RBFOX1: variants seen among roughly 807,000 people sequenced by gnomAD.
RBFOX1 encodes the protein RNA binding fox-1 homolog 1.
Under a neutral mutation model 57.7 loss-of-function variants are expected in RBFOX1, and 8 were observed. That is an observed-to-expected ratio of 0.14 (90% confidence interval 0.08 to 0.25). The LOEUF is 0.25. Ranked by LOEUF, RBFOX1 falls within the 10% of genes least tolerant of loss-of-function variation. RBFOX1 has a pLI of 1.00. For missense variants in RBFOX1, 611 were observed against 548.5 expected, an observed-to-expected ratio of 1.11 and a Z score of -1.14; for synonymous variants, 326 against 222.4, an observed-to-expected ratio of 1.47 and a Z score of -4.15.
chr16:7,608,822 A>T (rs948845845), intron 10 of RBFOX1, among the ~76,000 whole-genome samples: 8 of 152,220 alleles, frequency 5.3e-5, no homozygotes, highest in African/African-American at 1.9e-4. Context: ...AACAAAAATG[A>T]ATATGTTAAT....
chr16:6,921,656 T>TTTTTC (rs1424697950), intron 3 of RBFOX1, among the ~76,000 whole-genome samples: 2 of 150,426 alleles, frequency 1.3e-5, no homozygotes, highest in African/African-American at 4.9e-5. Context: ...TTTTTTTTTT[T>TTTTTC]CTTAGGGTTG....
intron 2 of RBFOX1, among the ~76,000 whole-genome samples, chr16:5,504,003 C>A (rs945324362): frequency 6.6e-6 from 1 of 152,326 alleles, no homozygotes; most frequent in Admixed American, 6.5e-5. Context: ...GTGAGGAGAG[C>A]TGGCTTACCC....
chr16:6,290,364 A>G (rs1322244634), intron 1 of RBFOX1, among the ~76,000 whole-genome samples: 2 of 150,752 alleles, frequency 1.3e-5, no homozygotes, highest in East Asian at 2.0e-4. Flanking sequence ...GAAATTTGTA[A>G]AATTGTGACC....
At chr16:6,804,057 A>T (rs577782386) in intron 3 of RBFOX1, among the ~76,000 whole-genome samples, 1 of 152,008 alleles carries the variant, frequency 6.6e-6, no homozygotes, top group South Asian at 2.1e-4. Flanking sequence ...CCCTGGCTAG[A>T]GTGCAATGAC....
At chr16:5,968,092 T>C (rs2152295575) in intron 4 of RBFOX1, among the ~76,000 whole-genome samples, 1 of 152,306 alleles carries the variant, frequency 6.6e-6, no homozygotes, top group South Asian at 2.1e-4. Flanking sequence ...TTTATTTCAT[T>C]GAGATAGAGT....
At chr16:5,439,531 AG>A (rs1313064008) in intron 1 of RBFOX1, among the ~76,000 whole-genome samples, 1 of 152,128 alleles carries the variant, frequency 6.6e-6, no homozygotes, top group East Asian at 1.9e-4. Context: ...GGTATCTCGT[AG>A]GTAGAACCGG....
chr16:7,147,326 A>G (rs944145530), intron 4 of RBFOX1, among the ~76,000 whole-genome samples: 1 of 151,142 alleles, frequency 6.6e-6, no homozygotes, highest in African/African-American at 2.4e-5. Context: ...TTTTTTTTCA[A>G]CTTTTATTTT....
At chr16:6,684,149 A>G (rs1378735712) in intron 3 of RBFOX1, among the ~76,000 whole-genome samples, 3 of 152,262 alleles carry the variant, frequency 2.0e-5, no homozygotes, top group South Asian at 2.1e-4. Flanking sequence ...GCATGCTTTT[A>G]TGGTTCGACT....
chr16:7,203,947 A>T (rs556203373), intron 4 of RBFOX1, among the ~76,000 whole-genome samples: 2 of 152,260 alleles, frequency 1.3e-5, no homozygotes, highest in African/African-American at 2.4e-5. Flanking sequence ...CATCTGCTTT[A>T]CATAGGGCTG....
chr16:7,516,975 A>G (rs548063739), intron 4 of RBFOX1, among the ~76,000 whole-genome samples: 43 of 152,274 alleles, frequency 2.8e-4, no homozygotes, highest in Admixed American at 2.4e-3. Context: ...GTATCATTAT[A>G]TGAGGGCCAA....
At chr16:7,155,734 T>TACACACACACAC (rs1347112963) in intron 4 of RBFOX1, among the ~76,000 whole-genome samples, 5 of 82,458 alleles carry the variant, frequency 6.1e-5, no homozygotes, top group African/African-American at 2.8e-4. Context: ...TATATATATA[T>TACACACACACAC]ATATACACAC....
chr16:6,641,597 T>C (rs1038914041), intron 2 of RBFOX1, among the ~76,000 whole-genome samples: 1 of 151,790 alleles, frequency 6.6e-6, no homozygotes, highest in Non-Finnish European at 1.5e-5. Context: ...TAGCTGGGTG[T>C]GATGGTGGGT....
chr16:6,017,745 C>T (rs959278709), upstream of RBFOX1, among the ~76,000 whole-genome samples: 6 of 152,156 alleles, frequency 3.9e-5, no homozygotes, highest in Non-Finnish European at 7.4e-5. Flanking sequence ...TTGAAAGAAA[C>T]CGCAGCCCGA....
intron 3 of RBFOX1, among the ~76,000 whole-genome samples, chr16:5,718,701 G>A (rs2051811250): frequency 6.6e-6 from 1 of 152,172 alleles, no homozygotes. Context: ...GAAGTCAGGA[G>A]TTTGAGACCA....
intron 6 of RBFOX1, 123 bp from the exon 7 acceptor site, chr16:7,587,124 A>G: frequency 8.3e-7 from 1 of 1,197,732 alleles, no homozygotes; most frequent in South Asian, 3.7e-5. Context: ...ACCATAAAAC[A>G]TAAAATGTGT....
At chr16:6,402,393 A>G (rs1384543204) in intron 2 of RBFOX1, among the ~76,000 whole-genome samples, 2 of 152,236 alleles carry the variant, frequency 1.3e-5, no homozygotes, top group African/African-American at 2.4e-5. Flanking sequence ...TCCAAACAAA[A>G]TAAAAATGAA....
chr16:6,176,692 A>T (rs1598086570), intron 1 of RBFOX1, among the ~76,000 whole-genome samples: 3 of 148,914 alleles, frequency 2.0e-5, no homozygotes, highest in Non-Finnish European at 3.0e-5. Flanking sequence ...TTCTTAGGTC[A>T]TTTTTTTTTT....
intron 4 of RBFOX1, among the ~76,000 whole-genome samples, chr16:7,112,855 G>C (rs542797874): frequency 1.3e-5 from 2 of 152,176 alleles, no homozygotes; most frequent in South Asian, 4.2e-4. Flanking sequence ...TATTAGTAAT[G>C]ACAGCAATAA....
chr16:6,836,750 G>A lies in RBFOX1; in HGVS notation c.-16+182100G>A, dbSNP rs953813611. Among the ~76,000 whole-genome samples, 61 of 152,140 alleles carry A rather than the reference G, an allele frequency of 4.0e-4. 1 individual carries two copies. On this transcript the variant is annotated intron_variant, in intron 3 of 15. Coordinates refer to ENST00000550418, the MANE Select transcript of RBFOX1 (RefSeq NM_018723.4). ...AGTTCTTTGCATTTATTTTCTTAAA[G>A]TATAACACCAGTTCATTACAGAAAT...
Sources: allele counts gnomAD v4.1 joint callset (sites outside exome capture counted in the v4.1 genomes callset), GRCh38; gene constraint gnomAD v4.1.1; transcripts MANE v1.5; gene names NCBI Gene and HGNC (gene_info 2026-07-23, HGNC 2026-07-21).